Variants in ASIC2 observed in about 807,000 individuals in gnomAD.
ASIC2 encodes acid-sensing ion channel 2.
ASIC2 carries 25 observed loss-of-function variants against 57.3 expected under a neutral mutation model. The observed-to-expected ratio is 0.44, with a 90% CI of 0.32 to 0.61. The LOEUF is 0.61. Among genes scored for constraint, ASIC2 ranks in the 20% least tolerant of loss-of-function variants. The pLI is 0.06. For missense variants in ASIC2, 641 were observed against 738.1 expected, an observed-to-expected ratio of 0.87 and a Z score of 1.52; for synonymous variants, 319 against 307.5, an observed-to-expected ratio of 1.04 and a Z score of -0.39.
chr17:34,099,146 CAG>C (rs1280398043), intron 1 of ASIC2, among the ~76,000 whole-genome samples: 16 of 19,052 alleles, frequency 8.4e-4, no homozygotes, highest in South Asian at 7.5e-3. Flanking sequence ...GAGAGAGAGA[CAG>C]AGAGAGAGAG....
chr17:33,854,541 C>G (rs997486318), intron 1 of ASIC2, among the ~76,000 whole-genome samples: 2 of 152,214 alleles, frequency 1.3e-5, no homozygotes, highest in Non-Finnish European at 2.9e-5. Context: ...TCTGCTCTGG[C>G]TATAATGGGG....
intron 1 of ASIC2, among the ~76,000 whole-genome samples, chr17:33,693,038 G>A (rs749988175): frequency 4.6e-5 from 7 of 152,032 alleles, no homozygotes; most frequent in African/African-American, 9.7e-5. Flanking sequence ...TTTTCTGGAG[G>A]CTCAGTTGCC....
chr17:33,310,690 A>G (rs1906374964), intron 1 of ASIC2, among the ~76,000 whole-genome samples: 1 of 152,174 alleles, frequency 6.6e-6, no homozygotes, highest in South Asian at 2.1e-4. Context: ...AGAAGGGGAA[A>G]AGTACTCATA....
intron 1 of ASIC2, among the ~76,000 whole-genome samples, chr17:33,896,826 G>C (rs2141951116): frequency 6.6e-6 from 1 of 152,330 alleles, no homozygotes; most frequent in Non-Finnish European, 1.5e-5. Context: ...CCCCAGCTTA[G>C]AAGGCAAAAT....
intron 1 of ASIC2, among the ~76,000 whole-genome samples, chr17:33,407,176 G>A (rs1235063008): frequency 5.9e-5 from 9 of 152,186 alleles, no homozygotes; most frequent in South Asian, 2.1e-4. Context: ...TTGGGCATTC[G>A]CCAATGTGTT....
intron 1 of ASIC2, chr17:34,004,311 T>A (rs1169611843): frequency 6.6e-6 from 1 of 152,220 alleles, no homozygotes. Context: ...AAACCAGGCT[T>A]TTTTGGTTCT....
intron 1 of ASIC2, among the ~76,000 whole-genome samples, chr17:34,025,393 T>A (rs1468374328): frequency 6.6e-6 from 1 of 152,170 alleles, no homozygotes; most frequent in African/African-American, 2.4e-5. Context: ...TTGCACCCCC[T>A]CGTGGAGTGG....
chr17:34,029,772 A>AT (rs996527418), intron 1 of ASIC2, among the ~76,000 whole-genome samples: 8 of 152,196 alleles, frequency 5.3e-5, no homozygotes, highest in African/African-American at 1.9e-4. Context: ...TGGCACCTTG[A>AT]TTTTGGACTT....
chr17:34,111,719 T>C (rs1209609911), intron 1 of ASIC2, among the ~76,000 whole-genome samples: 1 of 152,232 alleles, frequency 6.6e-6, no homozygotes, highest in African/African-American at 2.4e-5. Flanking sequence ...TTTCTTCTCC[T>C]ACAAAACACT....
intron 1 of ASIC2, among the ~76,000 whole-genome samples, chr17:33,726,819 A>G (rs977352096): frequency 6.6e-6 from 1 of 152,206 alleles, no homozygotes; most frequent in Non-Finnish European, 1.5e-5. Context: ...AATTATTTGG[A>G]AAGGTGTGAC....
At chr17:33,629,355 A>T (rs149385073) in intron 1 of ASIC2, among the ~76,000 whole-genome samples, 1 of 152,176 alleles carries the variant, frequency 6.6e-6, no homozygotes, top group African/African-American at 2.4e-5. Flanking sequence ...GAAAGGGCTG[A>T]CATTTCACTC....
intron 3 of ASIC2, among the ~76,000 whole-genome samples, chr17:33,060,157 G>T (rs1450387141): frequency 3.3e-5 from 5 of 152,114 alleles, no homozygotes; most frequent in South Asian, 2.1e-4. Context: ...CAGAAGCTCT[G>T]TAGTTTAATT....
At chr17:33,100,215 T>A (rs941254666) in intron 2 of ASIC2, 3 of 152,234 alleles carry the variant, frequency 2.0e-5, no homozygotes, top group Admixed American at 6.5e-5. Flanking sequence ...CAAGAGAATA[T>A]CTACATTTTT....
intron 1 of ASIC2, among the ~76,000 whole-genome samples, chr17:33,978,753 G>A (rs556767699): frequency 6.6e-6 from 1 of 152,264 alleles, no homozygotes; most frequent in East Asian, 1.9e-4. Context: ...ACCCTGCCTT[G>A]GACAGAGGGA....
rs1052521393 is a variant in ASIC2, at chr17:34,095,676, G to T, written c.555+60302C>A. On this transcript the variant is annotated intron_variant, in intron 1 of 9. Coordinates refer to the ASIC2 transcript ENST00000359872. ...ATATAATTTTATATATATATAGAGA[G>T]AGAGATATATATAATTTTATATAGA... 7.2e-4 allele frequency among the ~76,000 whole-genome samples: 90 copies of T among 124,370 alleles called. 1 individual carries two copies. Among genetic ancestry groups the T allele is most frequent in the South Asian group, 5.0e-3 (20 of 4,040 alleles). The allele number at this position is 124,370 out of a possible 152,430, so 81.6% of individuals were successfully genotyped here.
At chr17:33,229,899 C>A in intron 1 of ASIC2, among the ~76,000 whole-genome samples, 1 of 152,170 alleles carries the variant, frequency 6.6e-6, no homozygotes, top group East Asian at 1.9e-4. Flanking sequence ...GAGCAGGCAA[C>A]CACTGGTGGG....
At chr17:33,042,495 A>T (rs753876869) in intron 3 of ASIC2, among the ~76,000 whole-genome samples, 25 of 152,338 alleles carry the variant, frequency 1.6e-4, no homozygotes, top group Admixed American at 3.9e-4. Flanking sequence ...AATATAGCTG[A>T]TATTTGTTGA....
At chr17:33,963,589 G>A (rs1044314668) in intron 1 of ASIC2, among the ~76,000 whole-genome samples, 1 of 151,858 alleles carries the variant, frequency 6.6e-6, no homozygotes. Flanking sequence ...CACATAACAG[G>A]TGCTTAAATT....
chr17:33,493,274 C>T (rs1913817579), intron 1 of ASIC2, among the ~76,000 whole-genome samples: 1 of 152,118 alleles, frequency 6.6e-6, no homozygotes, highest in African/African-American at 2.4e-5. Flanking sequence ...GGGAATGTAG[C>T]CTCCTTTGAA....
Sources: allele counts gnomAD v4.1 joint callset (sites outside exome capture counted in the v4.1 genomes callset), GRCh38; gene constraint gnomAD v4.1.1; transcripts MANE v1.5; gene names NCBI Gene and HGNC (gene_info 2026-07-23, HGNC 2026-07-21).